Variants in GAB2 observed in about 807,000 individuals in gnomAD.
GAB2 encodes GRB2 associated binding protein 2, also known as GRB2-associated-binding protein 2.
GAB2 carries 26 observed loss-of-function variants against 65.5 expected under a neutral mutation model. That is an observed-to-expected ratio of 0.40 (90% CI 0.29 to 0.55). The LOEUF (loss-of-function observed/expected upper bound fraction) is 0.55, where lower values mean the gene tolerates loss of function less well. Among genes scored for constraint, GAB2 ranks in the 20% least tolerant of loss-of-function variants. The probability of loss-of-function intolerance (pLI) is 0.53; values close to 1 mark genes in which losing one functional copy is unlikely to be tolerated. For missense variants in GAB2, 884 were observed against 875.8 expected (o/e 1.01, Z -0.12); for synonymous variants, 321 against 329.6 (o/e 0.97, Z 0.28).
rs567422311 is a variant in GAB2, at chr11:78,402,951, A to G, written c.75+14695T>C. On this transcript the variant is annotated intron_variant, in intron 1 of 9. Coordinates refer to ENST00000361507, the MANE Select transcript of GAB2 (RefSeq NM_080491.3). ...GGTCATGAGGGCAGAGTACTCATAA[A>G]TTAGAGACATTATAATTAGAGACAT... Among the ~76,000 whole-genome samples, 9 of 152,302 alleles carry G rather than the reference A, an allele frequency of 5.9e-5. No individual in the cohort carries two copies. In the South Asian group the frequency reaches 1.5e-3, roughly 25 times the overall value.
At chr11:78,320,790 C>G (rs1246472649) in intron 1 of GAB2, among the ~76,000 whole-genome samples, 1 of 137,068 alleles carries the variant, frequency 7.3e-6, no homozygotes, top group Non-Finnish European at 1.5e-5. Context: ...TGATCTATCT[C>G]AAACTCCTGG....
intron 1 of GAB2, among the ~76,000 whole-genome samples, chr11:78,343,449 G>C (rs963393207): frequency 6.6e-6 from 1 of 151,884 alleles, no homozygotes; most frequent in Non-Finnish European, 1.5e-5. Context: ...GAGGGAGAAG[G>C]AGAGGGAGAG....
chr11:78,389,307 T>G, intron 1 of GAB2, among the ~76,000 whole-genome samples: 1 of 139,956 alleles, frequency 7.1e-6, no homozygotes, highest in African/African-American at 2.6e-5. Flanking sequence ...AGCATGTGGT[T>G]TTCCTTTTTT....
intron 1 of GAB2, among the ~76,000 whole-genome samples, chr11:78,407,700 A>AGAAAG (rs1337154360): frequency 7.7e-6 from 1 of 129,776 alleles, no homozygotes; most frequent in Non-Finnish European, 1.7e-5. Context: ...AAAGAAAGAA[A>AGAAAG]GAGATGGCAT....
At chr11:78,283,989 G>C (rs1590998038) in intron 1 of GAB2, among the ~76,000 whole-genome samples, 1 of 151,578 alleles carries the variant, frequency 6.6e-6, no homozygotes, top group Non-Finnish European at 1.5e-5. Context: ...TCTAGCCCTA[G>C]AGTTGTATAT....
At chr11:78,225,249 G>A (rs745641225) in intron 4 of GAB2, 47 bp from the exon 5 acceptor site, 4 of 1,270,226 alleles carry the variant, frequency 3.1e-6, no homozygotes, top group East Asian at 2.3e-5. Context: ...TGATTCATGT[G>A]TTGACACTTA....
At chr11:78,277,960 T>C (rs995519063) in intron 2 of GAB2, among the ~76,000 whole-genome samples, 1 of 152,218 alleles carries the variant, frequency 6.6e-6, no homozygotes, top group African/African-American at 2.4e-5. Flanking sequence ...TTCTTTCTTC[T>C]GAGGAGGCAA....
At chr11:78,363,298 T>G (rs919368039) in intron 1 of GAB2, among the ~76,000 whole-genome samples, 2 of 152,246 alleles carry the variant, frequency 1.3e-5, no homozygotes, top group Non-Finnish European at 2.9e-5. Flanking sequence ...TGTGTGCTTA[T>G]GCTTCAATTA....
intron 1 of GAB2, among the ~76,000 whole-genome samples, chr11:78,417,163 G>A (rs1857208235): frequency 6.6e-6 from 1 of 152,178 alleles, no homozygotes; most frequent in Admixed American, 6.5e-5. Context: ...GCGGCCGGGA[G>A]GGGCAGGCGG....
At position 78,387,593 on chromosome 11, in the gene GAB2, C is replaced by T. The variant is rs141169142; in HGVS notation, c.75+30053G>A. Among the ~76,000 whole-genome samples, 543 of 152,284 alleles carry T rather than the reference C, an allele frequency of 3.6e-3. 5 individuals carry two copies. The highest frequency in any genetic ancestry group is 0.012 in the African/African-American group (490 of 41,546). The stretch of plus-strand genomic sequence containing the variant: ...TTACATAACAAATAGTTGAAATCTG[C>T]CATCACTCACATATCCTGCTGTCAG... On this transcript the variant is annotated intron_variant, in intron 1 of 9. Coordinates refer to ENST00000361507, the MANE Select transcript of GAB2 (RefSeq NM_080491.3).
intron 1 of GAB2, among the ~76,000 whole-genome samples, chr11:78,283,430 G>T (rs58141271): frequency 0.039 from 5,881 of 152,170 alleles, 349 homozygotes; most frequent in African/African-American, 0.13. Context: ...TCCTATCTCA[G>T]AAGAAAAAAT....
intron 2 of GAB2, among the ~76,000 whole-genome samples, chr11:78,269,037 T>TC (rs1259323377): frequency 1.4e-5 from 2 of 141,672 alleles, no homozygotes; most frequent in Non-Finnish European, 1.5e-5. Flanking sequence ...TTTTTTTCTT[T>TC]CTTTTTTTTT....
rs1378254753 is a variant in GAB2, at chr11:78,215,869, G to A, written c.*3403C>T. 2 of 152,730 alleles carry A rather than the reference G, an allele frequency of 1.3e-5. No homozygotes were observed. Among genetic ancestry groups the A allele is most frequent in the Non-Finnish European group, 2.9e-5 (2 of 68,096 alleles). 9.5% of individuals were successfully genotyped at this position (152,730 alleles called of 1,614,324 possible). On this transcript the variant is annotated 3_prime_UTR_variant, in exon 10 of 10. Coordinates refer to ENST00000361507, the MANE Select transcript of GAB2 (RefSeq NM_080491.3). ...AAGGAAGAACTCTGGAAATGGGATAGGGGTGCTGGGCCGAGATGTCCCCAT... is the reference window on the plus strand; with the variant it reads ...AAGGAAGAACTCTGGAAATGGGATAAGGGTGCTGGGCCGAGATGTCCCCAT...
chr11:78,280,330 A>C (rs866666130), intron 2 of GAB2: 55 of 467,664 alleles, frequency 1.2e-4, no homozygotes, highest in African/African-American at 9.1e-4. Context: ...AGGAGGGATG[A>C]GGAACGGCAG....
chr11:78,286,134 G>A (rs1396166604), intron 1 of GAB2, among the ~76,000 whole-genome samples: 1 of 152,156 alleles, frequency 6.6e-6, no homozygotes, highest in Admixed American at 6.5e-5. Flanking sequence ...TGAGGATACA[G>A]CATGAATTCC....
At chr11:78,358,754 A>G (rs1856395060) in intron 1 of GAB2, among the ~76,000 whole-genome samples, 1 of 152,180 alleles carries the variant, frequency 6.6e-6, no homozygotes. Context: ...GAAATAAGCC[A>G]TAATACCATA....
At chr11:78,253,297 GCTCT>G (rs1485526602) in intron 2 of GAB2, among the ~76,000 whole-genome samples, 2 of 151,934 alleles carry the variant, frequency 1.3e-5, no homozygotes, top group African/African-American at 4.8e-5. Flanking sequence ...CCCAGTCAAA[GCTCT>G]CTTTTTTAGA....
intron 3 of GAB2, among the ~76,000 whole-genome samples, chr11:78,237,250 G>T (rs1234683855): frequency 6.6e-6 from 1 of 152,150 alleles, no homozygotes; most frequent in African/African-American, 2.4e-5. Flanking sequence ...AGTACAAATG[G>T]GTCTTAATGT....
At position 78,215,503 on chromosome 11, in the gene GAB2, A is replaced by C. The variant is rs1244672798; in HGVS notation, c.*3769T>G. 1.3e-5 allele frequency: 2 copies of C among 152,684 alleles called. No homozygotes were observed. The highest frequency in any genetic ancestry group is 4.8e-5 in the African/African-American group (2 of 41,476). The allele number at this position is 152,684 out of a possible 1,614,324, so 9.5% of individuals were successfully genotyped here. ...TAATAACTTAAGTGATTAGGCACCAACAGTGATTTGAAAATTAAATGTCAA... is the reference window on the plus strand; with the variant it reads ...TAATAACTTAAGTGATTAGGCACCACCAGTGATTTGAAAATTAAATGTCAA... On this transcript the variant is annotated 3_prime_UTR_variant, in exon 10 of 10. Coordinates refer to ENST00000361507, the MANE Select transcript of GAB2 (RefSeq NM_080491.3).
Sources: gnomAD v4.1 joint callset for allele counts (sites outside exome capture counted in the v4.1 genomes callset) on GRCh38, gnomAD v4.1.1 for gene constraint, MANE v1.5 for transcripts, NCBI Gene and HGNC (gene_info 2026-07-23, HGNC 2026-07-21) for gene names.